The following MAPK14 variants were observed in gnomAD, a reference collection of about 807,000 sequenced individuals.
The protein encoded by MAPK14 is CSAID-binding protein.
A neutral mutation model predicts 49.6 loss-of-function variants in MAPK14; 16 were observed. The observed-to-expected ratio is 0.32, with a 90% CI of 0.22 to 0.49. The LOEUF (loss-of-function observed/expected upper bound fraction) is 0.49, where lower values mean the gene tolerates loss of function less well. Among genes scored for constraint, MAPK14 ranks in the 20% least tolerant of loss-of-function variants. The probability of loss-of-function intolerance (pLI) is 0.99; values close to 1 mark genes in which losing one functional copy is unlikely to be tolerated. For synonymous variants in MAPK14, 142 were observed against 158.0 expected, an observed-to-expected ratio of 0.90 and a Z score of 0.76; for missense variants, 200 against 441.2, an observed-to-expected ratio of 0.45 and a Z score of 4.90.
intron 3 of MAPK14, among the ~76,000 whole-genome samples, chr6:36,072,143 T>C (rs1764324442): frequency 6.6e-6 from 1 of 152,144 alleles, no homozygotes; most frequent in Admixed American, 6.5e-5. Context: ...GAGCCCAGCC[T>C]GAGCAACATA....
intron 8 of MAPK14, among the ~76,000 whole-genome samples, chr6:36,095,108 A>G (rs990922715): frequency 4.6e-5 from 7 of 152,122 alleles, no homozygotes; most frequent in African/African-American, 1.7e-4. Flanking sequence ...CTTCCTTTTT[A>G]GGTAAGATTA....
chr6:36,070,657 A>G (rs1222868109), intron 3 of MAPK14, among the ~76,000 whole-genome samples: 2 of 152,156 alleles, frequency 1.3e-5, no homozygotes, highest in Admixed American at 6.5e-5. Flanking sequence ...AAAATATGAA[A>G]TGCTAACATC....
chr6:36,082,143 A>G (rs1764790403), intron 8 of MAPK14, among the ~76,000 whole-genome samples: 2 of 152,260 alleles, frequency 1.3e-5, no homozygotes, highest in East Asian at 1.9e-4. Flanking sequence ...GTGATTTTCT[A>G]TGTATAGGGT....
chr6:36,070,497 A>C (rs1008962309), intron 3 of MAPK14, among the ~76,000 whole-genome samples: 2 of 152,256 alleles, frequency 1.3e-5, no homozygotes, highest in African/African-American at 4.8e-5. Flanking sequence ...TGCTTGCTGC[A>C]GTGCTGGACA....
intron 9 of MAPK14, among the ~76,000 whole-genome samples, chr6:36,099,181 T>G (rs1765549421): frequency 6.6e-6 from 1 of 152,200 alleles, no homozygotes; most frequent in African/African-American, 2.4e-5. Context: ...AGATGACACT[T>G]CACCTGAATG....
intron 6 of MAPK14, among the ~76,000 whole-genome samples, chr6:36,074,618 T>G (rs1039831382): frequency 6.6e-6 from 1 of 152,038 alleles, no homozygotes; most frequent in Non-Finnish European, 1.5e-5. Flanking sequence ...CCATTTCTTT[T>G]TTTTTCCTTT....
intron 3 of MAPK14, among the ~76,000 whole-genome samples, chr6:36,061,645 T>A (rs1763826554): frequency 6.6e-6 from 1 of 152,158 alleles, no homozygotes; most frequent in Non-Finnish European, 1.5e-5. Flanking sequence ...CTGAGCAGAG[T>A]GTTAGCACAG....
At chr6:36,089,034 C>T (rs1765109913) in intron 8 of MAPK14, among the ~76,000 whole-genome samples, 1 of 152,120 alleles carries the variant, frequency 6.6e-6, no homozygotes, top group Non-Finnish European at 1.5e-5. Flanking sequence ...TAACATTTGA[C>T]CCAGCAATCC....
chr6:36,069,433 CT>C (rs1001475825), intron 3 of MAPK14, among the ~76,000 whole-genome samples: 2 of 152,120 alleles, frequency 1.3e-5, no homozygotes, highest in Non-Finnish European at 2.9e-5. Flanking sequence ...ATGGATTGGT[CT>C]TTGGGCCTCC....
chr6:36,071,087 C>G (rs1434943796), intron 3 of MAPK14, among the ~76,000 whole-genome samples: 1 of 152,046 alleles, frequency 6.6e-6, no homozygotes, highest in Non-Finnish European at 1.5e-5. Flanking sequence ...AATCCCAGCA[C>G]TTTGGGAGGC....
At chr6:36,091,066 A>G (rs1040522981) in intron 8 of MAPK14, among the ~76,000 whole-genome samples, 1 of 151,944 alleles carries the variant, frequency 6.6e-6, no homozygotes, top group East Asian at 1.9e-4. Context: ...CTTCACCCCT[A>G]TGTGGATTTA....
At chr6:36,063,208 T>C (rs766567915) in intron 3 of MAPK14, among the ~76,000 whole-genome samples, 1 of 152,220 alleles carries the variant, frequency 6.6e-6, no homozygotes, top group African/African-American at 2.4e-5. Flanking sequence ...GGCATGTTAC[T>C]GTACTGGATG....
intron 8 of MAPK14, among the ~76,000 whole-genome samples, chr6:36,082,022 G>A (rs902163958): frequency 6.6e-6 from 1 of 151,872 alleles, no homozygotes; most frequent in African/African-American, 2.4e-5. Flanking sequence ...ATTCTTTGGT[G>A]TGTTCATTGT....
At position 36,028,911 on chromosome 6, in the gene MAPK14, G is replaced by A. The variant is rs973045059; in HGVS notation, c.116+638G>A. Reference sequence around the variant, plus strand: ...AGCTTAAAATACCGACTTTATCTCGGTGAGCACTGTGCCAGCTTGAGTGGT... The same window carrying A: ...AGCTTAAAATACCGACTTTATCTCGATGAGCACTGTGCCAGCTTGAGTGGT... On this transcript the variant is annotated intron_variant, in intron 1 of 11. Transcript: ENST00000229794. The surrounding 1 kb of genome is among the most constrained non-coding windows in gnomAD (Gnocchi z 5.1). 1.3e-5 allele frequency among the ~76,000 whole-genome samples: 2 copies of A among 151,068 alleles called. No individual in the cohort carries two copies. The highest frequency in any genetic ancestry group is 2.9e-5 in the Non-Finnish European group (2 of 67,972).
chr6:36,073,547 A>C (rs1764393837), intron 4 of MAPK14, 144 bp from the exon 5 acceptor site: 1 of 647,050 alleles, frequency 1.5e-6, no homozygotes, highest in Non-Finnish European at 2.7e-6. Flanking sequence ...AAATGTACAC[A>C]ATACTGATAG....
At chr6:36,042,039 G>A (rs764838531) in intron 1 of MAPK14, among the ~76,000 whole-genome samples, 2 of 99,874 alleles carry the variant, frequency 2.0e-5, no homozygotes. Context: ...TTTCAGACAA[G>A]AGAAAACATA....
chr6:36,056,092 TC>T (rs1763580187), intron 2 of MAPK14, among the ~76,000 whole-genome samples: 1 of 152,232 alleles, frequency 6.6e-6, no homozygotes, highest in Non-Finnish European at 1.5e-5. Flanking sequence ...CTATTTTTTT[TC>T]AGGTTACTTT....
chr6:36,077,981 G>A (rs1764598218), intron 8 of MAPK14, among the ~76,000 whole-genome samples: 1 of 152,114 alleles, frequency 6.6e-6, no homozygotes, highest in Non-Finnish European at 1.5e-5. Context: ...TCTGTTCCCT[G>A]CTCCCCTTCC....
intron 3 of MAPK14, among the ~76,000 whole-genome samples, chr6:36,064,277 C>G (rs899883518): frequency 1.6e-5 from 2 of 125,758 alleles, no homozygotes; most frequent in Non-Finnish European, 3.3e-5. Flanking sequence ...CATGCCCCCC[C>G]CCACCCCTTT....
Sources: allele counts gnomAD v4.1 joint callset (sites outside exome capture counted in the v4.1 genomes callset), GRCh38; gene constraint gnomAD v4.1.1; non-coding constraint Gnocchi (gnomAD v3.1); transcripts MANE v1.5; gene names NCBI Gene and HGNC (gene_info 2026-07-23, HGNC 2026-07-21).